NOTCH2: variants seen among roughly 807,000 people sequenced by gnomAD.
NOTCH2 encodes the protein notch receptor 2, also known as neurogenic locus notch homolog protein 2.
NOTCH2 carries 29 observed loss-of-function variants against 235.8 expected under a neutral mutation model. The observed-to-expected ratio is 0.12, with a 90% CI of 0.09 to 0.17. NOTCH2 has a LOEUF of 0.17. Among genes scored for constraint, NOTCH2 ranks in the 10% least tolerant of loss-of-function variants. NOTCH2 has a pLI of 1.00. For synonymous variants in NOTCH2, 1,086 were observed against 1,141.5 expected (o/e 0.95, Z 0.98); for missense variants, 2,285 against 3,150.2 (o/e 0.73, Z 6.57).
At chr1:119,924,228 C>G (rs1649387452) in intron 25 of NOTCH2, among the ~76,000 whole-genome samples, 1 of 152,084 alleles carries the variant, frequency 6.6e-6, no homozygotes, top group Non-Finnish European at 1.5e-5. Context: ...TTAGGGGCTC[C>G]CAGGCAGTTT....
At chr1:119,954,663 C>G (rs1650612616) in intron 13 of NOTCH2, among the ~76,000 whole-genome samples, 2 of 152,174 alleles carry the variant, frequency 1.3e-5, no homozygotes, top group South Asian at 4.1e-4. Context: ...CAGAACAGAG[C>G]TGAGCTATGT....
intron 2 of NOTCH2, among the ~76,000 whole-genome samples, chr1:120,029,591 C>G (rs1334684643): frequency 6.6e-6 from 1 of 152,090 alleles, no homozygotes; most frequent in Non-Finnish European, 1.5e-5. Context: ...CCTCGTGATT[C>G]GCCCAACACA....
intron 11 of NOTCH2, among the ~76,000 whole-genome samples, chr1:119,961,304 TAGG>T (rs1470279625): frequency 6.6e-6 from 1 of 152,160 alleles, no homozygotes; most frequent in East Asian, 1.9e-4. Flanking sequence ...TGGATACCTT[TAGG>T]AGATGTTTCT....
At chr1:119,941,846 G>A (rs1433826077) in intron 17 of NOTCH2, 92 bp from the exon 18 acceptor site, 4 of 995,980 alleles carry the variant, frequency 4.0e-6, no homozygotes, top group African/African-American at 1.6e-5. Flanking sequence ...AAGTCATGCT[G>A]GGGGCAGCAT....
chr1:119,952,255 T>C (rs1441210667), intron 14 of NOTCH2, among the ~76,000 whole-genome samples: 1 of 152,208 alleles, frequency 6.6e-6, no homozygotes, highest in Admixed American at 6.5e-5. Context: ...CTCAGCATTT[T>C]TGGCACCAGG....
intron 1 of NOTCH2, among the ~76,000 whole-genome samples, chr1:120,034,335 C>CAA (rs558577685): frequency 9.0e-5 from 5 of 55,772 alleles, no homozygotes; most frequent in African/African-American, 5.8e-4. Context: ...TCTACTCCAC[C>CAA]AAAAAAAAAA....
At chr1:119,940,836 AAGATC>A in intron 18 of NOTCH2, 80 bp from the exon 19 acceptor site, 1 of 1,291,006 alleles carries the variant, frequency 7.7e-7, no homozygotes, top group Non-Finnish European at 1.1e-6. Context: ...TCTGGAATCT[AAGATC>A]ATACAGAGGC....
rs769513920 is a variant in NOTCH2 at position 119,923,918 on chromosome 1, C to T, written c.4578G>A (p.Glu1526=). Residue 1526 remains glutamate (E), a synonymous_variant, in exon 26 of 34, where the codon GAG becomes GAA. Coordinates refer to ENST00000256646, the MANE Select transcript of NOTCH2 (RefSeq NM_024408.4). ...NHCDQGCNSE[E]CGWDGLDCAA... ...CACAGTCCAGCCCATCCCAACCACA[C>T]TCCTCACTGTTGCACCCCTGGTCAC... The T allele has an allele frequency of 3.7e-6, 6 of 1,614,212 alleles. No individual in the cohort carries two copies. The South Asian group carries it at 6.6e-5, about 18-fold the overall frequency.
intron 1 of NOTCH2, among the ~76,000 whole-genome samples, chr1:120,031,096 C>T (rs1570765197): frequency 1.3e-5 from 2 of 152,090 alleles, no homozygotes; most frequent in East Asian, 3.9e-4. Flanking sequence ...TCCCCCTCTC[C>T]AAGTTTCCTC....
intron 12 of NOTCH2, among the ~76,000 whole-genome samples, chr1:119,959,186 C>G (rs782042175): frequency 1.3e-5 from 2 of 152,052 alleles, no homozygotes; most frequent in Non-Finnish European, 2.9e-5. Context: ...AACACATAAT[C>G]GAAAAACTCT....
chr1:120,023,209 G>A (rs373861571), intron 2 of NOTCH2, among the ~76,000 whole-genome samples: 19 of 151,136 alleles, frequency 1.3e-4, no homozygotes, highest in South Asian at 1.1e-3. Flanking sequence ...AGGCCGAGGC[G>A]GGCAGATCAT....
intron 33 of NOTCH2, 57 bp downstream of exon 33, chr1:119,917,608 G>A (rs1649130813): frequency 1.8e-6 from 2 of 1,099,436 alleles, no homozygotes; most frequent in East Asian, 2.4e-5. Flanking sequence ...ACGGGAATGG[G>A]CTTATAACTG....
rs587745273 is a variant in NOTCH2 at position 119,971,723 on chromosome 1, C to CA, written c.875-1980dup. 1.7e-4 allele frequency among the ~76,000 whole-genome samples: 26 copies of CA among 151,640 alleles called. No individual in the cohort carries two copies. The South Asian group carries it at 4.2e-3, about 24-fold the overall frequency. On this transcript the variant is annotated intron_variant, in intron 5 of 33. Coordinates refer to ENST00000256646, the MANE Select transcript of NOTCH2 (RefSeq NM_024408.4). ...TGGACAATAGAGCAAGACCCTGTCT[C>CA]AAAAAAAGAAAAATAGAAAAGATGT... is the stretch of plus-strand genomic sequence containing the variant.
intron 3 of NOTCH2, among the ~76,000 whole-genome samples, chr1:120,001,641 C>A (rs1652755951): frequency 6.6e-6 from 1 of 152,070 alleles, no homozygotes; most frequent in South Asian, 2.1e-4. Context: ...TGGACTTCTT[C>A]CATTGTGAAA....
At chr1:119,984,652 G>C (rs1159677963) in intron 5 of NOTCH2, among the ~76,000 whole-genome samples, 1 of 152,142 alleles carries the variant, frequency 6.6e-6, no homozygotes, top group African/African-American at 2.4e-5. Context: ...CTTTACAATA[G>C]GATAGGGGCT....
chr1:120,006,192 G>A (rs2691726), intron 2 of NOTCH2, among the ~76,000 whole-genome samples: 5 of 151,784 alleles, frequency 3.3e-5, no homozygotes, highest in African/African-American at 4.8e-5. Flanking sequence ...ACATTACAAC[G>A]GAAAAAGGGA....
At chr1:119,980,468 C>T (rs1441232770) in intron 5 of NOTCH2, among the ~76,000 whole-genome samples, 1 of 152,172 alleles carries the variant, frequency 6.6e-6, no homozygotes, top group Non-Finnish European at 1.5e-5. Context: ...TCTTCCTTTT[C>T]AGTTGTGCAA....
chr1:119,917,755 A>C lies in NOTCH2; in HGVS notation c.5937T>G (p.Ser1979=). The C allele has an allele frequency of 6.2e-7, 1 of 1,610,694 alleles. No homozygotes were observed. Among genetic ancestry groups the C allele is most frequent in the South Asian group, 1.1e-5 (1 of 91,014 alleles). The stretch of plus-strand genomic sequence containing the variant: ...TGACAGCAGCTGCCCAGTGAAGAGC[A>C]GATTTTCCTGCAGGGGAGAAACATT... ...DVNAVDDHGK[S]ALHWAAAVNN... The change falls in exon 33 of 34, where the codon TCT becomes TCG. Residue 1979 remains serine (S), a synonymous_variant. Transcript: ENST00000256646.
chr1:120,034,075 AC>A (rs1327677272), intron 1 of NOTCH2, among the ~76,000 whole-genome samples: 1 of 148,530 alleles, frequency 6.7e-6, no homozygotes, highest in Non-Finnish European at 1.5e-5. Context: ...AATTCAATTT[AC>A]TTTTTTCCAA....
Sources: gnomAD v4.1 joint callset for allele counts (sites outside exome capture counted in the v4.1 genomes callset) on GRCh38, gnomAD v4.1.1 for gene constraint, MANE v1.5 for transcripts, NCBI Gene and HGNC (gene_info 2026-07-23, HGNC 2026-07-21) for gene names.